The following NOP9 variants were observed in gnomAD, a reference collection of about 807,000 sequenced individuals.
NOP9 encodes nucleolar protein 9.
A neutral mutation model predicts 63.0 loss-of-function variants in NOP9; 50 were observed. That is an observed-to-expected ratio of 0.79 (90% confidence interval 0.63 to 1.00). The LOEUF (loss-of-function observed/expected upper bound fraction) is 1.00. Ranked by LOEUF, NOP9 falls within the 50% of genes least tolerant of loss-of-function variation. NOP9 has a pLI of 0.00. For missense variants in NOP9, 758 were observed against 803.0 expected (o/e 0.94, Z 0.68); for synonymous variants, 343 against 332.8 (o/e 1.03, Z -0.33).
In NOP9 at chr14:24,305,708, T is replaced by A. The variant is rs2041480430; in HGVS notation, c.*613T>A. ...CTGCATGACGAAGGGTGGAGGAAATTCCCAGCAACATATGGCCCAGGCCTT... is the reference window on the plus strand; with the variant it reads ...CTGCATGACGAAGGGTGGAGGAAATACCCAGCAACATATGGCCCAGGCCTT... On this transcript the variant is annotated 3_prime_UTR_variant, in exon 10 of 10. Coordinates refer to ENST00000267425, the MANE Select transcript of NOP9 (RefSeq NM_174913.3). The A allele has an allele frequency of 6.2e-7, 1 of 1,614,006 alleles. No homozygotes were observed. The highest frequency in any genetic ancestry group is 1.1e-5 in the South Asian group (1 of 91,092).
chr14:24,295,748 C>T (rs1234556505), upstream of NOP9, among the ~76,000 whole-genome samples: 1 of 152,218 alleles, frequency 6.6e-6, no homozygotes, highest in African/African-American at 2.4e-5. Flanking sequence ...CTTCCTTCCA[C>T]TTTGGAAATC....
At chr14:24,287,107 C>G in the NOP9 span, among the ~76,000 whole-genome samples, 2 of 152,044 alleles carry the variant, frequency 1.3e-5, no homozygotes, top group African/African-American at 2.4e-5. Context: ...CCAAGCTGGT[C>G]TTGAATGCCT....
chr14:24,276,376 C>CAA, the NOP9 span, among the ~76,000 whole-genome samples: 1,130 of 115,344 alleles, frequency 9.8e-3, 16 homozygotes, highest in African/African-American at 0.012. Flanking sequence ...GACTCGGTCT[C>CAA]AAAAAAAAAA....
At chr14:24,285,182 G>A in the NOP9 span, among the ~76,000 whole-genome samples, 1 of 152,216 alleles carries the variant, frequency 6.6e-6, no homozygotes, top group South Asian at 2.1e-4. Flanking sequence ...ATCTCCATGT[G>A]ACATGCATCT....
chr14:24,297,366 C>G (rs950680755), upstream of NOP9, among the ~76,000 whole-genome samples: 1 of 152,188 alleles, frequency 6.6e-6, no homozygotes, highest in African/African-American at 2.4e-5. Flanking sequence ...AAGCTATCAG[C>G]CATGAATGAT....
rs1187970199 is a variant in NOP9, at chr14:24,299,891, G to A, written c.-64G>A. On this transcript the variant is annotated 5_prime_UTR_variant, in exon 1 of 10. Transcript: ENST00000267425. ...TTTGTCTGGATAAGGCGCACGCTTG[G>A]CGACGTCGAAGGTCCGTCCGCAGTT... The A allele has an allele frequency of 6.7e-7, 1 of 1,492,638 alleles. No homozygotes were observed. The highest frequency in any genetic ancestry group is 1.4e-5 in the African/African-American group (1 of 71,320). The allele number at this position is 1,492,638 out of a possible 1,614,324, so 92.5% of individuals were successfully genotyped here.
At chr14:24,285,741 T>C in the NOP9 span, among the ~76,000 whole-genome samples, 2 of 152,152 alleles carry the variant, frequency 1.3e-5, no homozygotes, top group Non-Finnish European at 2.9e-5. Context: ...GTAATCCTAG[T>C]ACTTTGGGAG....
At chr14:24,298,262 G>C (rs1458404396), upstream of NOP9, among the ~76,000 whole-genome samples, 2 of 152,176 alleles carry the variant, frequency 1.3e-5, no homozygotes, top group African/African-American at 4.8e-5. Flanking sequence ...ATGTTGCCCA[G>C]ACTGGTCTCC....
chr14:24,303,996 C>G, intron 7 of NOP9, 45 bp from the exon 8 acceptor site: 1 of 1,592,048 alleles, frequency 6.3e-7, no homozygotes, highest in Admixed American at 1.7e-5. Context: ...GGCTCATCCA[C>G]CTGGCTTGTT....
At chr14:24,299,203 G>A, upstream of NOP9, 2 of 1,401,632 alleles carry the variant, frequency 1.4e-6, no homozygotes, top group Non-Finnish European at 1.9e-6. Context: ...TGGGGGGTAG[G>A]GGAGAACCTC....
chr14:24,271,290 G>C, the NOP9 span: 20 of 772,380 alleles, frequency 2.6e-5, no homozygotes, highest in Non-Finnish European at 3.7e-5. Context: ...CCTGGGACAG[G>C]CTTTGCACGT....
the NOP9 span, among the ~76,000 whole-genome samples, chr14:24,274,303 A>G: frequency 6.6e-5 from 10 of 152,314 alleles, no homozygotes; most frequent in East Asian, 1.9e-3. Context: ...AGGTTGAGTC[A>G]AGCAGGCTTA....
chr14:24,302,619 G>T (rs929022995), intron 5 of NOP9, among the ~76,000 whole-genome samples, 195 bp downstream of exon 5: 2 of 152,196 alleles, frequency 1.3e-5, no homozygotes, highest in Admixed American at 6.5e-5. Context: ...CTTCTCTCAG[G>T]TATGAGGACC....
rs1230042801 is a variant in NOP9, at chr14:24,308,033, A to C, written c.*2938A>C. 1.6e-6 allele frequency: 1 copy of C among 640,338 alleles called. No homozygotes were observed. The highest frequency in any genetic ancestry group is 2.8e-6 in the Non-Finnish European group (1 of 352,036). 39.7% of individuals were successfully genotyped at this position (640,338 alleles called of 1,614,324 possible). On this transcript the variant is annotated 3_prime_UTR_variant, in exon 10 of 10. Coordinates refer to ENST00000267425, the MANE Select transcript of NOP9 (RefSeq NM_174913.3). ...TGGCCAGTAAGAAGGGCAAAGTCCAAGGGGAGGGATGAGGGAGGGGCCAGA... is the reference window on the plus strand; with the variant it reads ...TGGCCAGTAAGAAGGGCAAAGTCCACGGGGAGGGATGAGGGAGGGGCCAGA...
At chr14:24,291,630 A>G in the NOP9 span, 13 of 1,613,998 alleles carry the variant, frequency 8.1e-6, no homozygotes, top group Non-Finnish European at 9.3e-6. Context: ...TTTGAACTGA[A>G]ACACAGGGGC....
At chr14:24,297,493 C>T (rs1420840977), upstream of NOP9, among the ~76,000 whole-genome samples, 1 of 152,204 alleles carries the variant, frequency 6.6e-6, no homozygotes, top group African/African-American at 2.4e-5. Context: ...TGCTCTGGGT[C>T]CCCGCCTATT....
At chr14:24,300,377 T>C in intron 1 of NOP9, 31 bp from the exon 2 acceptor site, 1 of 1,593,648 alleles carries the variant, frequency 6.3e-7, no homozygotes, top group Non-Finnish European at 8.6e-7. Flanking sequence ...CTACTAAGTC[T>C]CTTCAAAGTG....
rs1209774906 is a variant in NOP9 at position 24,300,877 on chromosome 14, A to G, written c.697+20A>G. 3.2e-6 allele frequency: 5 copies of G among 1,583,086 alleles called. No individual in the cohort carries two copies. Among genetic ancestry groups the G allele is most frequent in the Non-Finnish European group, 3.5e-6 (4 of 1,157,750 alleles). On this transcript the variant is annotated intron_variant, in intron 2 of 9. Transcript: ENST00000267425. ...CATCTGGTAAGTATTACAAGAGGAA[A>G]GTGGACCTAGGGGGAAGAAGAATTT...
chr14:24,302,904 A>C (rs973484649), intron 5 of NOP9, among the ~76,000 whole-genome samples, 170 bp from the exon 6 acceptor site: 6 of 152,226 alleles, frequency 3.9e-5, no homozygotes, highest in Admixed American at 6.5e-5. Context: ...GGCACCTCTA[A>C]GACTGCCCCC....
Sources: allele counts gnomAD v4.1 joint callset (sites outside exome capture counted in the v4.1 genomes callset), GRCh38; gene constraint gnomAD v4.1.1; transcripts MANE v1.5; gene names NCBI Gene and HGNC (gene_info 2026-07-23, HGNC 2026-07-21).